Variants in EFHB observed in about 807,000 individuals in gnomAD.
EFHB encodes EF-hand domain-containing family member B.
EFHB carries 91 observed loss-of-function variants against 87.2 expected under a neutral mutation model. That is an observed-to-expected ratio of 1.04 (90% confidence interval 0.88 to 1.24). The LOEUF (loss-of-function observed/expected upper bound fraction) is 1.24. Among genes scored for constraint, EFHB ranks in the 50% most tolerant of loss-of-function variants. EFHB has a pLI of 0.00. For missense variants in EFHB, 1,084 were observed against 998.8 expected (o/e 1.09, Z -1.15); for synonymous variants, 325 against 333.6 (o/e 0.97, Z 0.28).
rs777649663 is a variant in EFHB, at chr3:19,882,657, T to C, written c.2221A>G (p.Thr741Ala). 6.2e-7 allele frequency: 1 copy of C among 1,613,824 alleles called. No individual in the cohort carries two copies. The highest frequency in any genetic ancestry group is 1.1e-5 in the South Asian group (1 of 91,036). Residue 741 changes from threonine to alanine, a missense_variant, in exon 12 of 13, where the codon ACT becomes GCT. Thr to Ala is a moderately conservative substitution (Grantham distance 58, BLOSUM62 0). Transcript: ENST00000295824. ...APRIRRISDR[T>A]NYGEEGSAYS... is the part of the protein sequence containing the mutation. ...GCACTACCTTCTTCACCATAATTAG[T>C]TCTGTCACTGATGCGACGAATTCGG...
At chr3:19,937,248 G>A (rs982281560), upstream of EFHB, among the ~76,000 whole-genome samples, 2 of 151,486 alleles carry the variant, frequency 1.3e-5, no homozygotes, top group African/African-American at 2.4e-5. Context: ...TTTTTTTATG[G>A]TGCCAAATTT....
intron 5 of EFHB, among the ~76,000 whole-genome samples, chr3:19,909,144 T>G (rs1183772240): frequency 6.8e-6 from 1 of 146,212 alleles, no homozygotes; most frequent in Non-Finnish European, 1.5e-5. Flanking sequence ...TTCATAGCAC[T>G]GAAAAAAAAA....
At chr3:19,882,437 A>G (rs2071700749) in intron 12 of EFHB, 113 bp downstream of exon 12, 6 of 984,604 alleles carry the variant, frequency 6.1e-6, no homozygotes, top group Non-Finnish European at 8.3e-6. Context: ...AGAATCCTAT[A>G]CTTGGGGATC....
chr3:19,943,778 G>C (rs989992731), intron 1 of EFHB, among the ~76,000 whole-genome samples: 4 of 152,144 alleles, frequency 2.6e-5, no homozygotes, highest in African/African-American at 9.7e-5. Context: ...ATCACAAGCA[G>C]ATGGACTGAC....
intron 5 of EFHB, among the ~76,000 whole-genome samples, chr3:19,908,206 G>A (rs1291904949): frequency 6.6e-6 from 1 of 152,128 alleles, no homozygotes; most frequent in Non-Finnish European, 1.5e-5. Flanking sequence ...CATACATACT[G>A]ATATATACAA....
chr3:19,910,893 C>T (rs186417925), intron 5 of EFHB, among the ~76,000 whole-genome samples: 12 of 152,342 alleles, frequency 7.9e-5, no homozygotes, highest in Non-Finnish European at 7.3e-5. Flanking sequence ...TGTTACTGGG[C>T]TTGGGGTGCC....
chr3:19,934,136 A>C lies in EFHB; in HGVS notation c.-118T>G. The C allele has an allele frequency of 6.9e-7, 1 of 1,457,462 alleles. No homozygotes were observed. The highest frequency in any genetic ancestry group is 9.0e-7 in the Non-Finnish European group (1 of 1,112,464). The allele number at this position is 1,457,462 out of a possible 1,614,324, so 90.3% of individuals were successfully genotyped here. A position where few individuals can be genotyped will look rare whatever the true frequency, so the allele number is the denominator to read the frequency against. ...GAACCCCTCTCTCAGGAAAGAGCAC[A>C]ACCTCACTCGGACTCCCTGTCCATT... On this transcript the variant is annotated 5_prime_UTR_variant, in exon 1 of 13. Coordinates refer to ENST00000295824, the MANE Select transcript of EFHB (RefSeq NM_144715.4).
At chr3:19,928,330 A>G (rs1264868874) in intron 1 of EFHB, among the ~76,000 whole-genome samples, 2 of 152,250 alleles carry the variant, frequency 1.3e-5, no homozygotes, top group East Asian at 1.9e-4. Flanking sequence ...AAACTTTCTT[A>G]GCAAACTGGA....
intron 9 of EFHB, among the ~76,000 whole-genome samples, chr3:19,890,445 T>C (rs907018314): frequency 6.6e-6 from 1 of 152,150 alleles, no homozygotes; most frequent in African/African-American, 2.4e-5. Context: ...TGGGAGAGGA[T>C]GGTAGGGAAG....
chr3:19,891,897 T>G (rs1456355954), intron 9 of EFHB, among the ~76,000 whole-genome samples: 1 of 152,114 alleles, frequency 6.6e-6, no homozygotes, highest in African/African-American at 2.4e-5. Context: ...CACCACTACA[T>G]GCCAAACTTG....
At position 19,898,843 on chromosome 3, in the gene EFHB, A is replaced by G. The variant is rs771522664; in HGVS notation, c.1505T>C (p.Ile502Thr). 1.9e-6 allele frequency: 3 copies of G among 1,613,596 alleles called. No individual in the cohort carries two copies. The highest frequency in any genetic ancestry group is 2.2e-5 in the South Asian group (2 of 90,976). The change falls in exon 8 of 13, where the codon ATT becomes ACT. Residue 502 changes from isoleucine to threonine, a missense_variant and splice_region_variant. Physicochemically the swap from Ile to Thr is moderately conservative, Grantham distance 89 (BLOSUM62 -1). Coordinates refer to ENST00000295824, the MANE Select transcript of EFHB (RefSeq NM_144715.4). ...TGGGGGAACATTCATTGTTTCTGCA[A>G]TGCTATCAAAGAAAACAAATCCTTA... ...QHKLGRVLDPIAETMNVPPDC... is the reference protein window; with the variant it reads ...QHKLGRVLDPTAETMNVPPDC...
At chr3:19,886,128 A>G (rs1457973351) in intron 10 of EFHB, among the ~76,000 whole-genome samples, 3 of 152,154 alleles carry the variant, frequency 2.0e-5, no homozygotes, top group East Asian at 1.9e-4. Context: ...GCTTTCTACC[A>G]CTACTTCATG....
intron 9 of EFHB, among the ~76,000 whole-genome samples, chr3:19,891,264 C>T (rs750034522): frequency 1.2e-4 from 19 of 152,132 alleles, no homozygotes; most frequent in Non-Finnish European, 2.6e-4. Flanking sequence ...CTATGTTACC[C>T]AGGCTGGTTT....
chr3:19,924,211 T>C (rs1279667713), intron 1 of EFHB, among the ~76,000 whole-genome samples: 1 of 151,458 alleles, frequency 6.6e-6, no homozygotes, highest in Non-Finnish European at 1.5e-5. Flanking sequence ...TTTCTCTCTC[T>C]CTCTCTTTTT....
chr3:19,884,687 G>A (rs966143555), intron 10 of EFHB, 72 bp from the exon 11 acceptor site: 6 of 1,451,690 alleles, frequency 4.1e-6, no homozygotes, highest in Non-Finnish European at 5.7e-6. Context: ...TCTGTAACAG[G>A]ATAAGTTTTC....
At chr3:19,904,981 C>A (rs183299596) in intron 6 of EFHB, among the ~76,000 whole-genome samples, 1 of 152,192 alleles carries the variant, frequency 6.6e-6, no homozygotes, top group East Asian at 1.9e-4. Flanking sequence ...ACTAATGACC[C>A]AATTTTGTTT....
intron 1 of EFHB, among the ~76,000 whole-genome samples, chr3:19,924,998 C>T (rs1695569485): frequency 6.6e-6 from 1 of 152,114 alleles, no homozygotes. Context: ...GTAATCCCAG[C>T]ACTTTGGGAA....
At chr3:19,942,945 C>G (rs905083139) in intron 1 of EFHB, 1 of 217,888 alleles carries the variant, frequency 4.6e-6, no homozygotes, top group African/African-American at 2.4e-5. Context: ...AGTCCATGGC[C>G]CTAGAGGACA....
rs1453175560 is a variant in EFHB, at chr3:19,895,007, T to TATATATATATAA, written c.1725+1679_1725+1680insTTATATATATAT. Reference sequence around the variant, plus strand: ...CTCAAAAAATATATATATGTATATATAAAAATATATAGTTTTTATATATAA... The same window carrying TATATATATATAA: ...CTCAAAAAATATATATATGTATATATATATATATATAAAAAAATATATAGTTTTTATATATAA... On this transcript the variant is annotated intron_variant, in intron 9 of 12. Transcript: ENST00000295824. The TATATATATATAA allele has an allele frequency of 5.0e-3, 730 of 147,078 alleles. 2 individuals are homozygous for TATATATATATAA. The highest frequency in any genetic ancestry group is 0.018 in the African/African-American group (710 of 40,328). 9.1% of individuals were successfully genotyped at this position (147,078 alleles called of 1,614,324 possible).
Sources: gnomAD v4.1 joint callset for allele counts (sites outside exome capture counted in the v4.1 genomes callset) on GRCh38, gnomAD v4.1.1 for gene constraint, MANE v1.5 for transcripts, NCBI Gene and HGNC (gene_info 2026-07-23, HGNC 2026-07-21) for gene names.